YAF2: variants seen among roughly 807,000 people sequenced by gnomAD.
YAF2 encodes the protein YY1-associated factor 2.
A neutral mutation model predicts 20.1 loss-of-function variants in YAF2; 7 were observed. The observed-to-expected ratio is 0.35, with a 90% CI of 0.20 to 0.65. YAF2 has a LOEUF of 0.65. Ranked by LOEUF, YAF2 falls within the 30% of genes least tolerant of loss-of-function variation. YAF2 has a pLI of 0.69. For missense variants in YAF2, 151 were observed against 219.2 expected (o/e 0.69, Z 1.96); for synonymous variants, 74 against 76.0 (o/e 0.97, Z 0.14).
rs1171453824 is a variant in YAF2 at position 42,205,989 on chromosome 12, C to T, written c.152+31610G>A. 3.8e-5 allele frequency: 10 copies of T among 260,232 alleles called. No homozygotes were observed. In the East Asian group the frequency reaches 9.1e-4, roughly 24 times the overall value. 16.1% of individuals were successfully genotyped at this position (260,232 alleles called of 1,614,324 possible). On this transcript the variant is annotated intron_variant, in intron 2 of 3. Transcript: ENST00000534854. ...TTCTCCACTCCTCTGTGTATGCTCTCTTCTAAAACTCCAATTAGACCTATA... is the reference window on the plus strand; with the variant it reads ...TTCTCCACTCCTCTGTGTATGCTCTTTTCTAAAACTCCAATTAGACCTATA...
At chr12:42,227,978 G>A (rs1592055553) in intron 2 of YAF2, among the ~76,000 whole-genome samples, 1 of 142,828 alleles carries the variant, frequency 7.0e-6, no homozygotes, top group Non-Finnish European at 1.5e-5. Flanking sequence ...AGGTGGGGGG[G>A]TCAGCCCCCC....
chr12:42,218,238 C>T (rs974869173), intron 2 of YAF2, among the ~76,000 whole-genome samples: 1 of 142,832 alleles, frequency 7.0e-6, no homozygotes, highest in African/African-American at 2.5e-5. Flanking sequence ...AGATGATTAT[C>T]GATCTCATCA....
At chr12:42,206,042 T>A (rs2067031086) in intron 2 of YAF2, among the ~76,000 whole-genome samples, 1 of 152,082 alleles carries the variant, frequency 6.6e-6, no homozygotes, top group Non-Finnish European at 1.5e-5. Flanking sequence ...ATCCTCTAAG[T>A]GTCATCTTTT....
chr12:42,188,009 A>T (rs1250316810), intron 2 of YAF2, among the ~76,000 whole-genome samples: 1 of 152,234 alleles, frequency 6.6e-6, no homozygotes, highest in Admixed American at 6.5e-5. Flanking sequence ...AGGTAACTGC[A>T]GCCTCAGCTG....
chr12:42,213,808 C>G (rs1016964008), intron 2 of YAF2, among the ~76,000 whole-genome samples: 1 of 152,098 alleles, frequency 6.6e-6, no homozygotes, highest in African/African-American at 2.4e-5. Context: ...AAACATACAT[C>G]AAGGTATTAG....
At chr12:42,192,260 C>A (rs779567224) in intron 2 of YAF2, among the ~76,000 whole-genome samples, 1 of 151,928 alleles carries the variant, frequency 6.6e-6, no homozygotes, top group Non-Finnish European at 1.5e-5. Flanking sequence ...GTAATCCCAA[C>A]AGTTTGGGAA....
chr12:42,227,372 G>T (rs1164742078), intron 2 of YAF2, among the ~76,000 whole-genome samples: 2 of 76,044 alleles, frequency 2.6e-5, no homozygotes, highest in Non-Finnish European at 4.5e-5. Context: ...CCGCCCGGCC[G>T]CCATCCCATC....
intron 2 of YAF2, among the ~76,000 whole-genome samples, chr12:42,228,164 C>CT (rs2067817716): frequency 4.4e-4 from 32 of 72,656 alleles, no homozygotes; most frequent in South Asian, 6.0e-4. Context: ...GTCGGCCCCC[C>CT]GCCCGGCCAG....
chr12:42,184,905 G>A (rs1014570088), intron 2 of YAF2, among the ~76,000 whole-genome samples: 5 of 152,246 alleles, frequency 3.3e-5, no homozygotes, highest in Non-Finnish European at 7.3e-5. Context: ...GGCCGGTGTG[G>A]TGGCTTACGC....
chr12:42,184,093 T>A (rs890465886), intron 2 of YAF2, among the ~76,000 whole-genome samples: 3 of 152,216 alleles, frequency 2.0e-5, no homozygotes, highest in Admixed American at 6.5e-5. Context: ...AAGACCTGAA[T>A]TTAAAATATT....
chr12:42,237,787 G>A (rs948012855), intron 1 of YAF2, 63 bp from the exon 2 acceptor site: 8 of 1,207,544 alleles, frequency 6.6e-6, no homozygotes, highest in African/African-American at 1.7e-5. Flanking sequence ...CCCGGTGCCC[G>A]GGCCCCGCGG....
At chr12:42,211,427 CAA>C (rs34683165) in intron 2 of YAF2, among the ~76,000 whole-genome samples, 1,225 of 51,608 alleles carry the variant, frequency 0.024, 4 homozygotes, top group Middle Eastern at 0.062. Context: ...ACTCTGTCTC[CAA>C]AAAAAAAAAA....
chr12:42,222,867 A>T (rs2067562323), intron 2 of YAF2, among the ~76,000 whole-genome samples: 1 of 152,132 alleles, frequency 6.6e-6, no homozygotes, highest in African/African-American at 2.4e-5. Flanking sequence ...ACACACAGTA[A>T]GTGCTCTGTA....
At chr12:42,162,985 G>C (rs1305879827) in intron 2 of YAF2, among the ~76,000 whole-genome samples, 1 of 152,134 alleles carries the variant, frequency 6.6e-6, no homozygotes, top group Non-Finnish European at 1.5e-5. Context: ...GGTTAAAAAA[G>C]AAAAGGGTTA....
intron 2 of YAF2, among the ~76,000 whole-genome samples, chr12:42,175,469 T>G (rs2066157280): frequency 1.3e-5 from 2 of 151,864 alleles, no homozygotes; most frequent in Admixed American, 6.6e-5. Flanking sequence ...CACAGGTATA[T>G]TCATATGTCA....
At chr12:42,220,475 T>C (rs183908108) in intron 2 of YAF2, among the ~76,000 whole-genome samples, 2 of 152,290 alleles carry the variant, frequency 1.3e-5, no homozygotes, top group African/African-American at 4.8e-5. Flanking sequence ...GAAGCAATCA[T>C]AACATTTTAG....
In YAF2 at chr12:42,185,046, C is replaced by T. The variant is rs116074000; in HGVS notation, c.153-23281G>A. ...GCAAAAAATTAGCTGGGCTTGGTGG[C>T]GCATGGCTGTAGACCTAGCTACTTG... is the stretch of plus-strand genomic sequence containing the variant. On this transcript the variant is annotated intron_variant, in intron 2 of 3. Transcript: ENST00000534854. Among the ~76,000 whole-genome samples the T allele has an allele frequency of 9.1e-3, 1,393 of 152,276 alleles. 19 individuals carry two copies. Among genetic ancestry groups the T allele is most frequent in the African/African-American group, 0.031 (1,272 of 41,548 alleles).
intron 2 of YAF2, among the ~76,000 whole-genome samples, chr12:42,190,109 A>G (rs2066575648): frequency 6.6e-6 from 1 of 152,312 alleles, no homozygotes; most frequent in South Asian, 2.1e-4. Flanking sequence ...TTGAGAGGCT[A>G]AGGCCAAAGG....
intron 2 of YAF2, among the ~76,000 whole-genome samples, chr12:42,169,613 A>G (rs551461102): frequency 6.9e-4 from 105 of 152,004 alleles, no homozygotes; most frequent in Non-Finnish European, 1.1e-3. Context: ...AGGTTTCACC[A>G]TGTTGCCCAG....
Sources: gnomAD v4.1 joint callset for allele counts (sites outside exome capture counted in the v4.1 genomes callset) on GRCh38, gnomAD v4.1.1 for gene constraint, MANE v1.5 for transcripts, NCBI Gene and HGNC (gene_info 2026-07-23, HGNC 2026-07-21) for gene names.